CRACD: variants seen among roughly 807,000 people sequenced by gnomAD.
CRACD encodes capping protein-inhibiting regulator of actin dynamics.
A neutral mutation model predicts 106.8 loss-of-function variants in CRACD; 56 were observed. That is an observed-to-expected ratio of 0.52 (90% CI 0.42 to 0.66). The LOEUF (loss-of-function observed/expected upper bound fraction) is 0.66, where lower values mean the gene tolerates loss of function less well. Ranked by LOEUF, CRACD falls within the 30% of genes least tolerant of loss-of-function variation. CRACD has a pLI of 0.00. For synonymous variants in CRACD, 754 were observed against 670.8 expected (o/e 1.12, Z -1.92); for missense variants, 1,730 against 1,623.2 (o/e 1.07, Z -1.13).
chr4:56,282,368 C>T (rs1221856104), intron 3 of CRACD, among the ~76,000 whole-genome samples: 2 of 152,118 alleles, frequency 1.3e-5, no homozygotes, highest in Non-Finnish European at 2.9e-5. Context: ...AAGCCTTCTC[C>T]TTTTTTGGAT....
intron 2 of CRACD, among the ~76,000 whole-genome samples, chr4:56,191,544 G>C (rs780365924): frequency 1.3e-5 from 2 of 152,102 alleles, no homozygotes; most frequent in Admixed American, 1.3e-4. Context: ...GATAATCCAG[G>C]CTCATCTTCC....
Position 56,298,339 on chromosome 4 carries a change from A to G in CRACD, c.110A>G (p.Lys37Arg), listed in dbSNP as rs199976955. ...CAGGACAACATCCTGGGCAAAGTCA[A>G]AACTCTTCAGGTAAGACAGCTTGAG... ...MSQDNILGKVKTLQQQLGKNI... is the reference protein window; with the variant it reads ...MSQDNILGKVRTLQQQLGKNI... Residue 37 changes from lysine (K) to arginine (R), a missense_variant, in exon 4 of 11, where the codon AAA becomes AGA. This residue lies in a region of CRACD where 1,620 missense variants were observed against 1,481.6 expected (regional missense o/e 1.09). Transcript: ENST00000682029. 7.7e-4 allele frequency: 1,241 copies of G among 1,614,042 alleles called. 2 individuals are homozygous for G. The highest frequency in any genetic ancestry group is 9.6e-4 in the Non-Finnish European group (1,134 of 1,180,024).
At chr4:56,282,299 A>G (rs1429260417) in intron 3 of CRACD, among the ~76,000 whole-genome samples, 1 of 152,216 alleles carries the variant, frequency 6.6e-6, no homozygotes, top group Non-Finnish European at 1.5e-5. Context: ...TCCAAAAAAG[A>G]CAAAGGATAA....
In CRACD at chr4:56,314,299, G is replaced by A. The variant is rs1167912523; in HGVS notation, c.797G>A (p.Arg266Lys). The change falls in exon 8 of 11, where the codon AGG (arginine) becomes AAG (lysine). Residue 266 changes from arginine (R) to lysine (K), a missense_variant. Physicochemically the swap from Arg to Lys is conservative, Grantham distance 26 (BLOSUM62 2). Transcript: ENST00000682029. The surrounding 1 kb of genome is among the most constrained non-coding windows in gnomAD (Gnocchi z 4.4). ...LERRLWEENR[R>K]QELLEEEGEG... is the part of the protein sequence containing the mutation. Reference sequence around the variant, plus strand: ...AGGAGGCTTTGGGAAGAGAACAGAAGGCAGGAGCTCTTGGAGGAGGAGGGC... The same window carrying A: ...AGGAGGCTTTGGGAAGAGAACAGAAAGCAGGAGCTCTTGGAGGAGGAGGGC... 5.8e-6 allele frequency: 9 copies of A among 1,555,056 alleles called. No individual in the cohort carries two copies. In the African/African-American group the frequency reaches 6.8e-5, roughly 12 times the overall value.
At chr4:56,176,433 T>TTTC (rs1468245942) in intron 1 of CRACD, among the ~76,000 whole-genome samples, 10 of 148,142 alleles carry the variant, frequency 6.8e-5, no homozygotes, top group African/African-American at 2.5e-4. Context: ...TCCAATTTCT[T>TTTC]TTTTTTTTTT....
chr4:56,147,178 C>T (rs1735417390), intron 1 of CRACD, among the ~76,000 whole-genome samples: 3 of 152,206 alleles, frequency 2.0e-5, no homozygotes, highest in South Asian at 4.2e-4. Flanking sequence ...AAATTGGCCC[C>T]TGGAATTTCT....
chr4:56,255,113 C>CAA (rs5858370), intron 2 of CRACD, among the ~76,000 whole-genome samples: 76 of 74,614 alleles, frequency 1.0e-3, no homozygotes, highest in Middle Eastern at 7.5e-3. Flanking sequence ...GACTCCATCT[C>CAA]AAAAAAAAAA....
chr4:56,222,443 T>C (rs77058518), intron 2 of CRACD, among the ~76,000 whole-genome samples: 2,620 of 152,260 alleles, frequency 0.017, 71 homozygotes, highest in African/African-American at 0.059. Flanking sequence ...GTACGGTGTA[T>C]GCTACTTGGG....
At chr4:56,120,926 C>T (rs1349066098) in intron 1 of CRACD, among the ~76,000 whole-genome samples, 8 of 152,174 alleles carry the variant, frequency 5.3e-5, no homozygotes, top group African/African-American at 1.9e-4. Flanking sequence ...TCAGTTCTTG[C>T]ATTTCACATA....
intron 2 of CRACD, among the ~76,000 whole-genome samples, chr4:56,235,468 A>T (rs1273109603): frequency 6.6e-6 from 1 of 152,274 alleles, no homozygotes; most frequent in Non-Finnish European, 1.5e-5. Flanking sequence ...CATCTCTATC[A>T]GTAAAAGCTA....
intron 2 of CRACD, among the ~76,000 whole-genome samples, chr4:56,249,506 T>G (rs566088499): frequency 3.3e-5 from 5 of 152,080 alleles, no homozygotes; most frequent in African/African-American, 1.2e-4. Context: ...TTGCGAAAAT[T>G]TTCTCCCATT....
intron 1 of CRACD, among the ~76,000 whole-genome samples, chr4:56,087,854 T>G (rs111676601): frequency 2.0e-5 from 3 of 152,120 alleles, no homozygotes; most frequent in Non-Finnish European, 4.4e-5. Flanking sequence ...AAGGAGTGTG[T>G]CATCACTCTT....
chr4:56,100,250 C>T (rs182781653), intron 1 of CRACD, among the ~76,000 whole-genome samples: 203 of 151,344 alleles, frequency 1.3e-3, no homozygotes, highest in African/African-American at 4.8e-3. Flanking sequence ...CTTGCGGGGA[C>T]GGGGGGGAAG....
At chr4:56,224,103 C>A (rs575727247) in intron 2 of CRACD, among the ~76,000 whole-genome samples, 185 of 152,074 alleles carry the variant, frequency 1.2e-3, no homozygotes, top group African/African-American at 4.3e-3. Flanking sequence ...TTTGACAGAG[C>A]TAGTTTCTTT....
At chr4:56,103,479 C>T (rs1028339671) in intron 1 of CRACD, among the ~76,000 whole-genome samples, 6 of 152,254 alleles carry the variant, frequency 3.9e-5, no homozygotes, top group Non-Finnish European at 7.4e-5. Context: ...GTCTTTTCTG[C>T]TAAGATTCTG....
intron 1 of CRACD, among the ~76,000 whole-genome samples, chr4:56,132,073 GGCCTTGCTCT>G (rs542180307): frequency 4.1e-4 from 63 of 152,120 alleles, no homozygotes; most frequent in African/African-American, 1.3e-3. Flanking sequence ...TTTTAGACAG[GGCCTTGCTCT>G]GCCTTGGCTA....
chr4:56,209,528 G>A (rs1337639535), intron 2 of CRACD, among the ~76,000 whole-genome samples: 1 of 151,602 alleles, frequency 6.6e-6, no homozygotes, highest in Non-Finnish European at 1.5e-5. Flanking sequence ...GAAATCCCTA[G>A]GAAGTAATTT....
At chr4:56,064,662 G>A (rs1000286556) in intron 1 of CRACD, among the ~76,000 whole-genome samples, 1 of 151,756 alleles carries the variant, frequency 6.6e-6, no homozygotes, top group African/African-American at 2.4e-5. Flanking sequence ...ATATCCTTAG[G>A]CTTCACCTAT....
At chr4:56,086,761 A>C (rs17086269) in intron 1 of CRACD, among the ~76,000 whole-genome samples, 14,893 of 152,006 alleles carry the variant, frequency 0.098, 861 homozygotes, top group African/African-American at 0.15. Context: ...TTGGCTGGTG[A>C]AGTTGGTGAA....
Sources: gnomAD v4.1 joint callset for allele counts (sites outside exome capture counted in the v4.1 genomes callset) on GRCh38, gnomAD v4.1.1 for gene constraint, gnomAD v4.1.1 regional missense constraint, Gnocchi (gnomAD v3.1) non-coding constraint, MANE v1.5 for transcripts, NCBI Gene and HGNC (gene_info 2026-07-23, HGNC 2026-07-21) for gene names.